Variants in TMOD2 observed in about 807,000 individuals in gnomAD.
TMOD2 encodes tropomodulin 2.
TMOD2 carries 22 observed loss-of-function variants against 39.9 expected under a neutral mutation model. The observed-to-expected ratio is 0.55, with a 90% CI of 0.39 to 0.79. The LOEUF (loss-of-function observed/expected upper bound fraction) is 0.79, where lower values mean the gene tolerates loss of function less well. TMOD2 is among the 30% of genes least tolerant of loss of function. The pLI, the probability that TMOD2 is intolerant of heterozygous loss-of-function variation, is 0.00. For synonymous variants in TMOD2, 123 were observed against 146.1 expected (o/e 0.84, Z 1.14); for missense variants, 386 against 413.3 (o/e 0.93, Z 0.57).
intron 1 of TMOD2, among the ~76,000 whole-genome samples, chr15:51,766,169 G>A (rs551700528): frequency 1.3e-5 from 2 of 152,218 alleles, no homozygotes; most frequent in Non-Finnish European, 2.9e-5. Flanking sequence ...TCACAGGATT[G>A]TTGTAAAGAT....
chr15:51,764,696 C>T (rs1461118329), intron 1 of TMOD2, among the ~76,000 whole-genome samples: 1 of 152,128 alleles, frequency 6.6e-6, no homozygotes, highest in African/African-American at 2.4e-5. Context: ...CCATGAATCC[C>T]CCTCTGTAGC....
intron 4 of TMOD2, among the ~76,000 whole-genome samples, chr15:51,776,463 C>G (rs1054238470): frequency 4.6e-5 from 7 of 152,156 alleles, no homozygotes; most frequent in Admixed American, 1.3e-4. Flanking sequence ...CCCACCCTGG[C>G]ATGCTCTAGA....
At chr15:51,783,949 A>G (rs1242313702) in intron 7 of TMOD2, 2 of 152,210 alleles carry the variant, frequency 1.3e-5, no homozygotes, top group Non-Finnish European at 2.9e-5. Flanking sequence ...CCTCCTATTT[A>G]TAGCTACTTT....
intron 4 of TMOD2, 132 bp from the exon 5 acceptor site, chr15:51,776,800 A>G (rs911038941): frequency 2.9e-6 from 2 of 699,216 alleles, no homozygotes; most frequent in African/African-American, 1.8e-5. Context: ...TGTACCACAC[A>G]CTGTGCAAGG....
intron 7 of TMOD2, among the ~76,000 whole-genome samples, chr15:51,791,802 T>G (rs1044852806): frequency 5.9e-5 from 9 of 152,184 alleles, no homozygotes; most frequent in African/African-American, 2.2e-4. Flanking sequence ...TGGCTAGCCA[T>G]ATGCAGAAAA....
At chr15:51,764,830 C>G (rs2055805822) in intron 1 of TMOD2, among the ~76,000 whole-genome samples, 1 of 152,176 alleles carries the variant, frequency 6.6e-6, no homozygotes, top group South Asian at 2.1e-4. Flanking sequence ...CTTCAATGTT[C>G]AAACACAGCC....
In TMOD2 at chr15:51,773,748, C is replaced by A. The variant is rs996679690; in HGVS notation, c.320C>A (p.Thr107Asn). Residue 107 changes from threonine (T) to asparagine (N), a missense_variant, in exon 4 of 10, where the codon ACT (threonine) becomes AAT (asparagine). Thr to Asn is a moderately conservative substitution (Grantham distance 65). Transcript: ENST00000249700. ...VFIPKEKPIE[T>N]RKEEKVTLDP... Reference sequence around the variant, plus strand: ...ATCCCTAAAGAAAAGCCTATAGAAACTCGTAAAGAAGAAAAAGTGACCCTT... The same window carrying A: ...ATCCCTAAAGAAAAGCCTATAGAAAATCGTAAAGAAGAAAAAGTGACCCTT... 2 of 1,612,746 alleles carry A rather than the reference C, an allele frequency of 1.2e-6. No individual in the cohort carries two copies. The highest frequency in any genetic ancestry group is 8.5e-7 in the Non-Finnish European group (1 of 1,179,600).
intron 7 of TMOD2, among the ~76,000 whole-genome samples, chr15:51,786,567 G>A (rs1168874513): frequency 6.6e-6 from 1 of 152,204 alleles, no homozygotes; most frequent in Non-Finnish European, 1.5e-5. Context: ...TTTTACAGAT[G>A]AGGCAACTGA....
At chr15:51,788,541 C>T (rs959549592) in intron 7 of TMOD2, among the ~76,000 whole-genome samples, 6 of 152,064 alleles carry the variant, frequency 3.9e-5, no homozygotes, top group African/African-American at 9.7e-5. Context: ...AGATACTCCT[C>T]GAGAAGAGCA....
intron 9 of TMOD2, among the ~76,000 whole-genome samples, chr15:51,807,572 C>T (rs1296548251): frequency 6.6e-6 from 1 of 152,050 alleles, no homozygotes; most frequent in Non-Finnish European, 1.5e-5. Flanking sequence ...CTAGGAAAAG[C>T]ACATTGGGTC....
At chr15:51,752,548 TA>T (rs1180780768) in intron 1 of TMOD2, 2 of 152,206 alleles carry the variant, frequency 1.3e-5, no homozygotes, top group African/African-American at 4.8e-5. Context: ...GGAGGTGTTT[TA>T]AAAACCAGGT....
intron 7 of TMOD2, 92 bp from the exon 8 acceptor site, chr15:51,798,105 A>C: frequency 8.9e-7 from 1 of 1,120,212 alleles, no homozygotes; most frequent in African/African-American, 1.6e-5. Context: ...GCTAGAAAAC[A>C]TCTGTATTTA....
At chr15:51,780,818 G>A (rs1177111511) in intron 5 of TMOD2, among the ~76,000 whole-genome samples, 2 of 152,188 alleles carry the variant, frequency 1.3e-5, no homozygotes, top group Non-Finnish European at 2.9e-5. Context: ...TCCATGCAGT[G>A]TTAGCCCCAG....
Position 51,768,784 on chromosome 15 carries a change from G to A in TMOD2, c.283+366G>A, listed in dbSNP as rs544818073. Among the ~76,000 whole-genome samples, 7 of 152,200 alleles carry A rather than the reference G, an allele frequency of 4.6e-5. No individual in the cohort carries two copies. In the East Asian group the frequency reaches 1.2e-3, roughly 25 times the overall value. On this transcript the variant is annotated intron_variant, in intron 3 of 9. Coordinates refer to ENST00000249700, the MANE Select transcript of TMOD2 (RefSeq NM_014548.4). ...AGGGTCAAGCAAGGGAACTGTCCCG[G>A]AAATGGGAAATAAGCCCATGAACTG...
In TMOD2 at chr15:51,808,475, A is replaced by G. The variant is rs746192601; in HGVS notation, c.*21A>G. ...GGTAAACTTCCTTGAGGAGAAGTGA[A>G]GTTTCACTGTGGTATGGCCATTGAA... On this transcript the variant is annotated 3_prime_UTR_variant, in exon 10 of 10. Transcript: ENST00000249700. 6.2e-7 allele frequency: 1 copy of G among 1,609,504 alleles called. No homozygotes were observed. Among genetic ancestry groups the G allele is most frequent in the Non-Finnish European group, 8.5e-7 (1 of 1,177,078 alleles).
At chr15:51,791,919 G>A (rs563774504) in intron 7 of TMOD2, among the ~76,000 whole-genome samples, 37 of 152,218 alleles carry the variant, frequency 2.4e-4, no homozygotes, top group African/African-American at 8.9e-4. Context: ...GAAAACCTGG[G>A]CAATACCATT....
intron 7 of TMOD2, among the ~76,000 whole-genome samples, chr15:51,792,793 T>C (rs1195367544): frequency 6.6e-6 from 1 of 152,100 alleles, no homozygotes; most frequent in East Asian, 1.9e-4. Context: ...ATGTTCTCAC[T>C]CATAAGTGGG....
At chr15:51,782,851 T>C (rs1367398135) in intron 7 of TMOD2, 23 bp downstream of exon 7, 7 of 1,585,900 alleles carry the variant, frequency 4.4e-6, no homozygotes, top group East Asian at 2.2e-5. Context: ...CTTAGAAATA[T>C]AACATGAAGT....
intron 9 of TMOD2, among the ~76,000 whole-genome samples, chr15:51,808,155 C>G (rs1352722007): frequency 6.6e-6 from 1 of 152,150 alleles, no homozygotes; most frequent in Admixed American, 6.5e-5. Flanking sequence ...TCACGGGTCT[C>G]TTCTGGAATT....
Sources: allele counts gnomAD v4.1 joint callset (sites outside exome capture counted in the v4.1 genomes callset), GRCh38; gene constraint gnomAD v4.1.1; transcripts MANE v1.5; gene names NCBI Gene and HGNC (gene_info 2026-07-23, HGNC 2026-07-21).